Variants in ANKRD28 observed in about 807,000 individuals in gnomAD.
The protein encoded by ANKRD28 is serine/threonine-protein phosphatase 6 regulatory ankyrin repeat subunit A.
Under a neutral mutation model 126.5 loss-of-function variants are expected in ANKRD28, and 44 were observed. The ratio of observed to expected loss-of-function variants is 0.35; its 90% CI spans 0.27 to 0.45. ANKRD28 has a LOEUF of 0.45. Among genes scored for constraint, ANKRD28 ranks in the 20% least tolerant of loss-of-function variants. ANKRD28 has a pLI of 1.00. For missense variants in ANKRD28, 1,110 were observed against 1,316.6 expected, an observed-to-expected ratio of 0.84 and a Z score of 2.43; for synonymous variants, 442 against 468.5, an observed-to-expected ratio of 0.94 and a Z score of 0.73.
At chr3:15,796,142 AACT>A (rs1409865088) in intron 1 of ANKRD28, among the ~76,000 whole-genome samples, 3 of 152,182 alleles carry the variant, frequency 2.0e-5, no homozygotes, top group Non-Finnish European at 4.4e-5. Flanking sequence ...TGGTTGCCAT[AACT>A]ACTAATTCTC....
exon 1 of ANKRD28, chr3:15,859,462 G>C: frequency 6.9e-7 from 1 of 1,440,392 alleles, no homozygotes; most frequent in Non-Finnish European, 9.3e-7. Flanking sequence ...CGCTGCCGCC[G>C]CCGACCGGCC....
At chr3:15,847,057 C>T (rs138910740) in intron 1 of ANKRD28, among the ~76,000 whole-genome samples, 83 of 152,264 alleles carry the variant, frequency 5.5e-4, no homozygotes, top group African/African-American at 2.0e-3. Flanking sequence ...GACACAGATT[C>T]TGGGGCATTA....
chr3:15,697,300 T>C (rs1258563772), intron 14 of ANKRD28: 1 of 153,024 alleles, frequency 6.5e-6, no homozygotes, highest in Non-Finnish European at 1.5e-5. Flanking sequence ...TCCCAAATTG[T>C]ACCCAATATG....
chr3:15,743,589 C>T (rs1033921625), intron 4 of ANKRD28, among the ~76,000 whole-genome samples: 58 of 149,678 alleles, frequency 3.9e-4, no homozygotes, highest in Non-Finnish European at 5.8e-4. Context: ...CACACACACA[C>T]ACACGCACAC....
chr3:15,798,830 A>G (rs1302189335), upstream of ANKRD28, among the ~76,000 whole-genome samples: 4 of 152,110 alleles, frequency 2.6e-5, no homozygotes, highest in Non-Finnish European at 5.9e-5. Flanking sequence ...GAAAACTTAC[A>G]AAGAAAATAC....
In ANKRD28 at chr3:15,808,911, G is replaced by C. The variant is rs555546086; in HGVS notation, c.28-13605C>G. ...ATATTGGGCAATAACCTCTCTTCTT[G>C]TTGCGTCCATAATATTTTTACCTAT... On this transcript the variant is annotated intron_variant, in intron 1 of 27. Transcript: ENST00000399451. Among the ~76,000 whole-genome samples, 7 of 151,822 alleles carry C rather than the reference G, an allele frequency of 4.6e-5. No homozygotes were observed. The East Asian group carries it at 1.4e-3, about 29-fold the overall frequency.
chr3:15,701,421 G>C (rs1029893261), intron 14 of ANKRD28, among the ~76,000 whole-genome samples: 2 of 152,114 alleles, frequency 1.3e-5, no homozygotes, highest in East Asian at 1.9e-4. Flanking sequence ...GAGGTGGGCG[G>C]AACACCTGAG....
intron 25 of ANKRD28, 114 bp downstream of exon 25, chr3:15,677,366 C>T (rs2067050789): frequency 1.4e-6 from 1 of 720,278 alleles, no homozygotes; most frequent in African/African-American, 1.8e-5. Flanking sequence ...AATCTAATAC[C>T]AGTGATCATT....
chr3:15,796,727 T>C lies in ANKRD28; in HGVS notation c.-206A>G, dbSNP rs1575719611. On this transcript the variant is annotated 5_prime_UTR_variant, in exon 1 of 28. Transcript: ENST00000683139. The stretch of plus-strand genomic sequence containing the variant: ...TACATAATTTGTAACTTCCTAAATA[T>C]AACGAAATTCTATTATTTCTGTTGG... 1.0e-6 allele frequency: 1 copy of C among 986,550 alleles called. No individual in the cohort carries two copies. The highest frequency in any genetic ancestry group is 1.1e-4 in the East Asian group (1 of 9,120). 61.1% of individuals were successfully genotyped at this position (986,550 alleles called of 1,614,324 possible).
chr3:15,695,570 A>C (rs1363929487), intron 15 of ANKRD28, among the ~76,000 whole-genome samples: 1 of 152,154 alleles, frequency 6.6e-6, no homozygotes, highest in Non-Finnish European at 1.5e-5. Context: ...AGGTAAGTCT[A>C]AATAAGAGCA....
chr3:15,719,818 G>A (rs2073501073), intron 8 of ANKRD28, among the ~76,000 whole-genome samples: 1 of 152,044 alleles, frequency 6.6e-6, no homozygotes, highest in South Asian at 2.1e-4. Flanking sequence ...GCCTCCTAAA[G>A]CACTGGGATT....
intron 14 of ANKRD28, chr3:15,697,233 G>C (rs2069734800): frequency 6.5e-6 from 1 of 152,728 alleles, no homozygotes; most frequent in Non-Finnish European, 1.5e-5. Context: ...TGGGAGCTAT[G>C]AGGAGACGCG....
intron 1 of ANKRD28, among the ~76,000 whole-genome samples, chr3:15,851,578 A>G (rs1429570387): frequency 6.6e-6 from 1 of 151,388 alleles, no homozygotes; most frequent in Non-Finnish European, 1.5e-5. Flanking sequence ...TAAATAAATA[A>G]ATAAATAAAT....
At chr3:15,834,942 G>A (rs2061290222) in intron 1 of ANKRD28, among the ~76,000 whole-genome samples, 1 of 152,162 alleles carries the variant, frequency 6.6e-6, no homozygotes, top group Non-Finnish European at 1.5e-5. Context: ...GAGGCCAGAA[G>A]TCCGAGACTA....
At chr3:15,742,852 G>A (rs2057190121) in intron 4 of ANKRD28, among the ~76,000 whole-genome samples, 3 of 147,416 alleles carry the variant, frequency 2.0e-5, no homozygotes, top group Admixed American at 2.0e-4. Flanking sequence ...CCTCTGCCCA[G>A]CCACCACCCC....
chr3:15,677,142 ATAT>A, intron 25 of ANKRD28, 86 bp from the exon 26 acceptor site: 1 of 1,082,824 alleles, frequency 9.2e-7, no homozygotes, highest in South Asian at 1.3e-5. Flanking sequence ...CCTAGTCCAT[ATAT>A]TATGTACAAC....
At chr3:15,826,889 G>A (rs953123665) in intron 1 of ANKRD28, among the ~76,000 whole-genome samples, 2 of 152,094 alleles carry the variant, frequency 1.3e-5, no homozygotes, top group African/African-American at 2.4e-5. Flanking sequence ...ATACAAATTA[G>A]GACTACAGAG....
intron 4 of ANKRD28, among the ~76,000 whole-genome samples, chr3:15,748,901 TTTC>T (rs2057663824): frequency 6.6e-6 from 1 of 152,082 alleles, no homozygotes; most frequent in Admixed American, 6.5e-5. Flanking sequence ...AAAAATTTTT[TTTC>T]TTTGTCTTTG....
At chr3:15,804,514 G>C (rs2060536410) in intron 1 of ANKRD28, among the ~76,000 whole-genome samples, 1 of 145,498 alleles carries the variant, frequency 6.9e-6, no homozygotes, top group Non-Finnish European at 1.5e-5. Context: ...TTCAGAAAAT[G>C]GTTGAAGATT....
Sources: gnomAD v4.1 joint callset for allele counts (sites outside exome capture counted in the v4.1 genomes callset) on GRCh38, gnomAD v4.1.1 for gene constraint, MANE v1.5 for transcripts, NCBI Gene and HGNC (gene_info 2026-07-23, HGNC 2026-07-21) for gene names.